The following CCSER1 variants were observed in gnomAD, a reference collection of about 807,000 sequenced individuals.
The protein encoded by CCSER1 is coiled-coil serine rich protein 1.
A neutral mutation model predicts 82.0 loss-of-function variants in CCSER1; 41 were observed. The ratio of observed to expected loss-of-function variants is 0.50; its 90% CI spans 0.39 to 0.65. CCSER1 has a LOEUF of 0.65. CCSER1 is among the 30% of genes least tolerant of loss of function. The probability of loss-of-function intolerance (pLI) is 0.00; values close to 1 mark genes in which losing one functional copy is unlikely to be tolerated. For synonymous variants in CCSER1, 414 were observed against 383.9 expected, an observed-to-expected ratio of 1.08 and a Z score of -0.92; for missense variants, 1,119 against 1,064.2, an observed-to-expected ratio of 1.05 and a Z score of -0.72.
At position 91,598,943 on chromosome 4, in the gene CCSER1, T is replaced by G; in HGVS notation, c.2589T>G (p.Phe863Leu). The change falls in exon 11 of 11, where the codon TTT becomes TTG. Residue 863 changes from phenylalanine to leucine, a missense_variant. Phe to Leu is a conservative substitution (Grantham distance 22). Transcript: ENST00000509176. ...ARQHSTFTGR[F>L]GQPPRGPISL... is the part of the protein sequence containing the mutation. ...AGCATTCGACCTTTACAGGCAGGTT[T>G]GGACAGCCACCCAGAGGGCCAATCT... 1 of 1,551,570 alleles carries G rather than the reference T, an allele frequency of 6.4e-7. No individual in the cohort carries two copies. Among genetic ancestry groups the G allele is most frequent in the Non-Finnish European group, 8.7e-7 (1 of 1,146,900 alleles).
intron 6 of CCSER1, among the ~76,000 whole-genome samples, chr4:90,695,980 A>C (rs1736931071): frequency 6.6e-6 from 1 of 152,102 alleles, no homozygotes; most frequent in African/African-American, 2.4e-5. Context: ...ATTTTAAATA[A>C]AAATTTTTAA....
At chr4:91,416,315 T>C (rs1753360034) in intron 10 of CCSER1, among the ~76,000 whole-genome samples, 2 of 152,142 alleles carry the variant, frequency 1.3e-5, no homozygotes, top group South Asian at 4.1e-4. Context: ...CCCATTAAAC[T>C]ACCATTGACA....
At chr4:90,973,082 G>A (rs1049664715) in intron 9 of CCSER1, among the ~76,000 whole-genome samples, 3 of 151,712 alleles carry the variant, frequency 2.0e-5, no homozygotes, top group African/African-American at 7.3e-5. Context: ...ATAGAGGAAT[G>A]CTGCTTGACA....
At chr4:90,835,165 A>G (rs971900564) in intron 8 of CCSER1, among the ~76,000 whole-genome samples, 1 of 151,460 alleles carries the variant, frequency 6.6e-6, no homozygotes, top group Non-Finnish European at 1.5e-5. Flanking sequence ...CGCCGTCTCT[A>G]CTAAAAATAC....
At chr4:90,850,757 A>G (rs981353149) in intron 8 of CCSER1, among the ~76,000 whole-genome samples, 1 of 152,170 alleles carries the variant, frequency 6.6e-6, no homozygotes, top group Non-Finnish European at 1.5e-5. Flanking sequence ...CTCAAATGAG[A>G]CTTTGGACTT....
chr4:90,129,990 T>A, intron 1 of CCSER1, among the ~76,000 whole-genome samples: 1 of 152,236 alleles, frequency 6.6e-6, no homozygotes, highest in East Asian at 1.9e-4. Context: ...ATGAGTATTT[T>A]GTTTTTTGAC....
intron 6 of CCSER1, among the ~76,000 whole-genome samples, chr4:90,689,356 G>T (rs1735398591): frequency 6.6e-6 from 1 of 152,076 alleles, no homozygotes; most frequent in African/African-American, 2.4e-5. Context: ...TCAAATTGCT[G>T]AGAGCTCCAT....
At chr4:90,965,549 CTTTG>C (rs1437553809) in intron 9 of CCSER1, among the ~76,000 whole-genome samples, 1 of 152,086 alleles carries the variant, frequency 6.6e-6, no homozygotes, top group Non-Finnish European at 1.5e-5. Context: ...TCAAGATAAT[CTTTG>C]TTTAATTGTA....
At chr4:91,035,659 C>A (rs568649722) in intron 9 of CCSER1, among the ~76,000 whole-genome samples, 22 of 152,020 alleles carry the variant, frequency 1.4e-4, no homozygotes, top group Non-Finnish European at 2.1e-4. Flanking sequence ...AGCTAGCACC[C>A]CACATCAAAT....
At chr4:91,154,176 G>A (rs961662025) in intron 10 of CCSER1, among the ~76,000 whole-genome samples, 2 of 151,960 alleles carry the variant, frequency 1.3e-5, no homozygotes, top group Non-Finnish European at 2.9e-5. Flanking sequence ...AGCTTCCCTG[G>A]CTGCTTTGTT....
chr4:91,444,778 G>A (rs1755443372), intron 10 of CCSER1, among the ~76,000 whole-genome samples: 1 of 152,232 alleles, frequency 6.6e-6, no homozygotes, highest in African/African-American at 2.4e-5. Flanking sequence ...ATGGACCACT[G>A]TGAGTGAAAT....
At chr4:91,009,317 C>G (rs981708816) in intron 9 of CCSER1, among the ~76,000 whole-genome samples, 1 of 152,166 alleles carries the variant, frequency 6.6e-6, no homozygotes, top group African/African-American at 2.4e-5. Context: ...ATCATTGTCC[C>G]TCTCCCAGTG....
At chr4:90,608,082 A>T (rs1029939611) in intron 5 of CCSER1, among the ~76,000 whole-genome samples, 1 of 152,186 alleles carries the variant, frequency 6.6e-6, no homozygotes, top group South Asian at 2.1e-4. Flanking sequence ...CTGAAAGCTG[A>T]TATGTTATTT....
chr4:90,194,913 A>G (rs1389055563), intron 1 of CCSER1, among the ~76,000 whole-genome samples: 1 of 152,098 alleles, frequency 6.6e-6, no homozygotes, highest in Non-Finnish European at 1.5e-5. Flanking sequence ...TTTGAAGTGT[A>G]TTAAGTTCTG....
At chr4:90,496,285 G>A (rs1768987782) in intron 5 of CCSER1, among the ~76,000 whole-genome samples, 1 of 152,034 alleles carries the variant, frequency 6.6e-6, no homozygotes, top group African/African-American at 2.4e-5. Context: ...AATGATCTGT[G>A]ACAGATTTAT....
intron 10 of CCSER1, among the ~76,000 whole-genome samples, chr4:91,570,451 C>T (rs571840577): frequency 6.6e-6 from 1 of 152,340 alleles, no homozygotes; most frequent in South Asian, 2.1e-4. Flanking sequence ...TCTGCCTGGA[C>T]ATCCAGGTGT....
intron 9 of CCSER1, among the ~76,000 whole-genome samples, chr4:91,056,739 ATATTT>A (rs1345741366): frequency 6.6e-6 from 1 of 152,028 alleles, no homozygotes; most frequent in African/African-American, 2.4e-5. Flanking sequence ...CTGGGGTTTG[ATATTT>A]TGTTTTGTTT....
At chr4:90,929,135 A>G (rs1482729001) in intron 9 of CCSER1, among the ~76,000 whole-genome samples, 2 of 152,110 alleles carry the variant, frequency 1.3e-5, no homozygotes, top group African/African-American at 2.4e-5. Context: ...CTTTAAATGT[A>G]TAATTAGACC....
intron 6 of CCSER1, among the ~76,000 whole-genome samples, chr4:90,695,812 T>G (rs760518993): frequency 1.3e-5 from 2 of 152,020 alleles, no homozygotes; most frequent in Admixed American, 6.6e-5. Context: ...TTTTTTACAT[T>G]GTTGCATAAG....
Sources: allele counts gnomAD v4.1 joint callset (sites outside exome capture counted in the v4.1 genomes callset), GRCh38; gene constraint gnomAD v4.1.1; transcripts MANE v1.5; gene names NCBI Gene and HGNC (gene_info 2026-07-23, HGNC 2026-07-21).